The following KCNQ5 variants were observed in gnomAD, a reference collection of about 807,000 sequenced individuals.
KCNQ5 encodes the protein potassium voltage-gated channel subfamily Q member 5.
In KCNQ5, 30 loss-of-function variants were observed where a neutral mutation model predicts 98.2. The observed-to-expected ratio is 0.31, with a 90% CI of 0.23 to 0.41. The LOEUF (loss-of-function observed/expected upper bound fraction) is 0.41, where lower values mean the gene tolerates loss of function less well. Ranked by LOEUF, KCNQ5 falls within the 10% of genes least tolerant of loss-of-function variation. The pLI is 1.00. For missense variants in KCNQ5, 835 were observed against 1,182.5 expected, an observed-to-expected ratio of 0.71 and a Z score of 4.31; for synonymous variants, 458 against 449.4, an observed-to-expected ratio of 1.02 and a Z score of -0.24.
chr6:72,851,253 A>G (rs754770321), intron 1 of KCNQ5, among the ~76,000 whole-genome samples: 1 of 152,168 alleles, frequency 6.6e-6, no homozygotes, highest in Non-Finnish European at 1.5e-5. Context: ...GAAAATCCCT[A>G]CTAGTTTAAC....
chr6:72,756,700 A>C (rs2154476826), intron 1 of KCNQ5, among the ~76,000 whole-genome samples: 1 of 152,180 alleles, frequency 6.6e-6, no homozygotes, highest in East Asian at 1.9e-4. Flanking sequence ...TGCTGATATT[A>C]ACCTTGTGAT....
At chr6:73,168,580 G>C (rs760151074) in intron 10 of KCNQ5, among the ~76,000 whole-genome samples, 4 of 152,078 alleles carry the variant, frequency 2.6e-5, no homozygotes, top group Admixed American at 6.5e-5. Flanking sequence ...GTGCGGTCCT[G>C]TAATCCCAGC....
intron 1 of KCNQ5, among the ~76,000 whole-genome samples, chr6:72,938,621 G>A (rs1247852969): frequency 5.3e-5 from 8 of 152,086 alleles, no homozygotes. Context: ...CTGACCTCAA[G>A]CAATCTCCCT....
At chr6:73,184,209 A>G (rs1778493820) in intron 11 of KCNQ5, among the ~76,000 whole-genome samples, 1 of 152,180 alleles carries the variant, frequency 6.6e-6, no homozygotes, top group Non-Finnish European at 1.5e-5. Context: ...GTTGCTTGCA[A>G]TGCTGTTGCT....
In KCNQ5 at chr6:73,068,582, A is replaced by G. The variant is rs997371150; in HGVS notation, c.617-8740A>G. ...TACCTTTATTATCTACATTTTACAG[A>G]TAAAGAAACTGAGGCACAGAAAGAT... On this transcript the variant is annotated intron_variant, in intron 3 of 13. Coordinates refer to ENST00000370398, the MANE Select transcript of KCNQ5 (RefSeq NM_019842.4). 2.0e-5 allele frequency among the ~76,000 whole-genome samples: 3 copies of G among 152,284 alleles called. 1 individual carries two copies. The South Asian group carries it at 6.2e-4, about 32-fold the overall frequency.
intron 11 of KCNQ5, among the ~76,000 whole-genome samples, chr6:73,179,664 G>A (rs985721646): frequency 2.0e-5 from 3 of 151,682 alleles, no homozygotes; most frequent in Non-Finnish European, 4.4e-5. Flanking sequence ...CATAAGATCT[G>A]CAATCACAAG....
chr6:73,100,542 G>T lies in KCNQ5; in HGVS notation c.919-4715G>T, dbSNP rs550083059. On this transcript the variant is annotated intron_variant, in intron 5 of 13. Coordinates refer to ENST00000370398, the MANE Select transcript of KCNQ5 (RefSeq NM_019842.4). ...AAAATAGCTGGGCGTGGTGGCAGGCGCCTGTAGTCCCAGCTACTCGGGAAG... is the reference window on the plus strand; with the variant it reads ...AAAATAGCTGGGCGTGGTGGCAGGCTCCTGTAGTCCCAGCTACTCGGGAAG... 1.4e-4 allele frequency among the ~76,000 whole-genome samples: 21 copies of T among 151,900 alleles called. No individual in the cohort carries two copies. In the South Asian group the frequency reaches 1.9e-3, roughly 14 times the overall value.
At chr6:73,137,845 T>C (rs1459544797) in intron 10 of KCNQ5, among the ~76,000 whole-genome samples, 1 of 152,176 alleles carries the variant, frequency 6.6e-6, no homozygotes, top group African/African-American at 2.4e-5. Flanking sequence ...CTAGATATTA[T>C]ATCAATTTCC....
intron 1 of KCNQ5, among the ~76,000 whole-genome samples, chr6:72,699,978 G>C (rs1403882594): frequency 6.6e-6 from 1 of 152,036 alleles, no homozygotes; most frequent in African/African-American, 2.4e-5. Context: ...GTAAAATAAG[G>C]ATAAGAACTA....
chr6:72,889,302 G>A (rs1778970645), intron 1 of KCNQ5, among the ~76,000 whole-genome samples: 1 of 152,170 alleles, frequency 6.6e-6, no homozygotes, highest in African/African-American at 2.4e-5. Context: ...AACAGAATGA[G>A]GCAGAGGGGA....
chr6:72,657,204 T>A (rs1259159278), intron 1 of KCNQ5, among the ~76,000 whole-genome samples: 1 of 152,084 alleles, frequency 6.6e-6, no homozygotes, highest in African/African-American at 2.4e-5. Flanking sequence ...AGCAAGACCC[T>A]GCCTCTAAAA....
At chr6:72,686,726 T>G (rs1266801837) in intron 1 of KCNQ5, among the ~76,000 whole-genome samples, 1 of 150,926 alleles carries the variant, frequency 6.6e-6, no homozygotes, top group Non-Finnish European at 1.5e-5. Context: ...TGTTTTTTTT[T>G]TTTTTTTTTT....
At chr6:72,650,500 C>T (rs969182473) in intron 1 of KCNQ5, among the ~76,000 whole-genome samples, 4 of 152,116 alleles carry the variant, frequency 2.6e-5, no homozygotes, top group Admixed American at 2.0e-4. Flanking sequence ...TTCAAACTGG[C>T]TTAGACATCT....
At chr6:72,697,786 T>C (rs1768577314) in intron 1 of KCNQ5, among the ~76,000 whole-genome samples, 2 of 152,242 alleles carry the variant, frequency 1.3e-5, no homozygotes, top group South Asian at 4.1e-4. Context: ...TGAGGTGTAA[T>C]TGGTAAATGG....
At chr6:72,970,130 G>A (rs527324447) in intron 1 of KCNQ5, among the ~76,000 whole-genome samples, 2 of 152,150 alleles carry the variant, frequency 1.3e-5, no homozygotes, top group South Asian at 4.2e-4. Context: ...ATGGTGGTGT[G>A]CACTAGAAGT....
rs78686976 is a variant in KCNQ5, at chr6:72,707,724, C to A, written c.398+85137C>A. 9.4e-3 allele frequency among the ~76,000 whole-genome samples: 1,435 copies of A among 152,214 alleles called. 13 individuals carry two copies. Among genetic ancestry groups the A allele is most frequent in the East Asian group, 0.02 (104 of 5,182 alleles). ...TAACCATTCATCAGACACAGAACTT[C>A]TTTTATTTTGAGACAGTCTTACTCT... On this transcript the variant is annotated intron_variant, in intron 1 of 13. Transcript: ENST00000370398.
At chr6:73,183,572 G>A (rs1425387962) in intron 11 of KCNQ5, among the ~76,000 whole-genome samples, 1 of 152,178 alleles carries the variant, frequency 6.6e-6, no homozygotes, top group Non-Finnish European at 1.5e-5. Context: ...GGCAGTTCCA[G>A]GCATTCCAAT....
intron 1 of KCNQ5, among the ~76,000 whole-genome samples, chr6:72,717,723 A>G (rs1171851726): frequency 2.0e-5 from 3 of 152,204 alleles, no homozygotes; most frequent in Non-Finnish European, 4.4e-5. Flanking sequence ...GCTCTCCATG[A>G]GGCTGCCTGT....
chr6:73,175,377 C>A (rs992552766), intron 11 of KCNQ5, among the ~76,000 whole-genome samples: 1 of 148,996 alleles, frequency 6.7e-6, no homozygotes, highest in Non-Finnish European at 1.5e-5. Context: ...CTCGAACTCT[C>A]GACCTCAGGT....
Sources: allele counts gnomAD v4.1 joint callset (sites outside exome capture counted in the v4.1 genomes callset), GRCh38; gene constraint gnomAD v4.1.1; transcripts MANE v1.5; gene names NCBI Gene and HGNC (gene_info 2026-07-23, HGNC 2026-07-21).